The following ULK4 variants were observed in gnomAD, a reference collection of about 807,000 sequenced individuals.
The protein encoded by ULK4 is unc-51 like kinase 4, also known as inactive serine/threonine-protein kinase ULK4.
ULK4 carries 133 observed loss-of-function variants against 160.6 expected under a neutral mutation model. The observed-to-expected ratio is 0.83, with a 90% CI of 0.72 to 0.96. The LOEUF is 0.96. Ranked by LOEUF, ULK4 falls within the 40% of genes least tolerant of loss-of-function variation. The pLI is 0.00. For synonymous variants in ULK4, 534 were observed against 539.8 expected (o/e 0.99, Z 0.15); for missense variants, 1,580 against 1,499.5 (o/e 1.05, Z -0.89).
intron 30 of ULK4, among the ~76,000 whole-genome samples, chr3:41,657,420 T>C (rs1178211229): frequency 1.3e-5 from 2 of 152,198 alleles, no homozygotes; most frequent in Non-Finnish European, 2.9e-5. Flanking sequence ...TTGGATACAA[T>C]TAATAAGCAA....
chr3:41,463,696 T>C (rs879068412), intron 32 of ULK4, among the ~76,000 whole-genome samples: 3 of 152,168 alleles, frequency 2.0e-5, no homozygotes, highest in African/African-American at 7.2e-5. Flanking sequence ...AGTCCACAAA[T>C]GTAAGATAAA....
Position 41,883,192 on chromosome 3 carries a change from A to T in ULK4, c.1656+682T>A, listed in dbSNP as rs138773392. The stretch of plus-strand genomic sequence containing the variant: ...AACAGCACAGAGAGAAAATGTTCCA[A>T]TTCCTCTTAAGGCTCCAAATACCAG... On this transcript the variant is annotated intron_variant, in intron 17 of 36. Coordinates refer to ENST00000301831, the MANE Select transcript of ULK4 (RefSeq NM_017886.4). 4.0e-3 allele frequency among the ~76,000 whole-genome samples: 608 copies of T among 152,310 alleles called. 3 individuals carry two copies. The highest frequency in any genetic ancestry group is 0.014 in the African/African-American group (576 of 41,562).
intron 17 of ULK4, among the ~76,000 whole-genome samples, chr3:41,862,444 G>T (rs754559002): frequency 6.6e-6 from 1 of 151,974 alleles, no homozygotes; most frequent in African/African-American, 2.4e-5. Flanking sequence ...TTCCTGGATG[G>T]TGTTGATGTT....
chr3:41,782,819 C>T (rs745941403), intron 21 of ULK4, among the ~76,000 whole-genome samples: 2 of 152,122 alleles, frequency 1.3e-5, no homozygotes, highest in Non-Finnish European at 2.9e-5. Flanking sequence ...TAAGAATGTT[C>T]TCCCTGGCAA....
At chr3:41,610,629 T>C (rs2032629559) in intron 31 of ULK4, among the ~76,000 whole-genome samples, 1 of 152,224 alleles carries the variant, frequency 6.6e-6, no homozygotes, top group African/African-American at 2.4e-5. Flanking sequence ...TTTCTAAAAA[T>C]ACAGTTGACT....
In ULK4 at chr3:41,758,798, G is replaced by A. The variant is rs191551655; in HGVS notation, c.2194-4310C>T. Among the ~76,000 whole-genome samples, 1,141 of 151,716 alleles carry A rather than the reference G, an allele frequency of 7.5e-3. 12 individuals are homozygous for A. The highest frequency in any genetic ancestry group is 0.027 in the African/African-American group (1,096 of 41,354). ...TGAGGCAGGAGAATGGCGTGAACCC[G>A]GGAGGCGGAGCTTGCAGTGAGCCAA... On this transcript the variant is annotated intron_variant, in intron 21 of 36. Coordinates refer to ENST00000301831, the MANE Select transcript of ULK4 (RefSeq NM_017886.4).
intron 29 of ULK4, among the ~76,000 whole-genome samples, chr3:41,673,898 T>C (rs940402011): frequency 3.3e-5 from 5 of 152,180 alleles, no homozygotes; most frequent in Admixed American, 6.5e-5. Flanking sequence ...CATATTTATT[T>C]CTTTATTGCT....
chr3:41,906,216 CAAAAAA>C (rs58001920), intron 12 of ULK4, among the ~76,000 whole-genome samples: 9 of 67,102 alleles, frequency 1.3e-4, no homozygotes, highest in Admixed American at 2.5e-4. Context: ...GACTCCGTCT[CAAAAAA>C]AAAAAAAAAA....
rs1267010590 is a variant in ULK4, at chr3:41,856,531, ATG to A, written c.1657-20562_1657-20561del. ...TAAATAAATATATATATATATATAT[ATG>A]TATGTATATATATATGTGTATATAT... On this transcript the variant is annotated intron_variant, in intron 17 of 36. Coordinates refer to ENST00000301831, the MANE Select transcript of ULK4 (RefSeq NM_017886.4). Among the ~76,000 whole-genome samples, 753 of 117,380 alleles carry A rather than the reference ATG, an allele frequency of 6.4e-3. 12 individuals carry two copies. The highest frequency in any genetic ancestry group is 8.5e-3 in the East Asian group (38 of 4,460). 77.0% of individuals were successfully genotyped at this position (117,380 alleles called of 152,430 possible).
At chr3:41,912,956 C>T in intron 8 of ULK4, 57 bp from the exon 9 acceptor site, 1 of 1,533,914 alleles carries the variant, frequency 6.5e-7, no homozygotes, top group Non-Finnish European at 9.0e-7. Context: ...ATGAAAAATT[C>T]CCAAGACATG....
chr3:41,359,541 G>C (rs2081099500), intron 35 of ULK4, among the ~76,000 whole-genome samples: 1 of 152,214 alleles, frequency 6.6e-6, no homozygotes, highest in African/African-American at 2.4e-5. Flanking sequence ...GTCACTGGCT[G>C]TGCCAAAGGC....
At chr3:41,531,154 T>C (rs908509942) in intron 32 of ULK4, among the ~76,000 whole-genome samples, 20 of 148,688 alleles carry the variant, frequency 1.3e-4, no homozygotes, top group African/African-American at 3.5e-4. Context: ...GAAATAAATA[T>C]GTTTTGGGCC....
chr3:41,367,625 G>A (rs2081277691), intron 35 of ULK4, among the ~76,000 whole-genome samples: 1 of 152,100 alleles, frequency 6.6e-6, no homozygotes, highest in Non-Finnish European at 1.5e-5. Flanking sequence ...GGTGGTATGT[G>A]GTCTTCTCAA....
chr3:41,462,622 GA>G (rs1357399132), intron 33 of ULK4, among the ~76,000 whole-genome samples: 1 of 152,180 alleles, frequency 6.6e-6, no homozygotes, highest in Non-Finnish European at 1.5e-5. Flanking sequence ...ATAAGGGAAA[GA>G]AAATGAGCTT....
chr3:41,573,512 T>C (rs1044864803), intron 31 of ULK4, among the ~76,000 whole-genome samples: 3 of 152,178 alleles, frequency 2.0e-5, no homozygotes, highest in Admixed American at 1.3e-4. Context: ...CAGTGAACCA[T>C]GGTCACTCTC....
chr3:41,731,152 T>C (rs1473638914), intron 22 of ULK4, among the ~76,000 whole-genome samples: 1 of 151,476 alleles, frequency 6.6e-6, no homozygotes, highest in African/African-American at 2.4e-5. Flanking sequence ...CTCACTTTCA[T>C]CACTTTTATT....
chr3:41,695,832 C>T (rs1166377852), intron 27 of ULK4, among the ~76,000 whole-genome samples: 1 of 152,128 alleles, frequency 6.6e-6, no homozygotes, highest in Non-Finnish European at 1.5e-5. Flanking sequence ...AGCAATTACT[C>T]TTTATTCCAA....
chr3:41,935,763 C>G, intron 4 of ULK4, 38 bp downstream of exon 4: 1 of 1,580,430 alleles, frequency 6.3e-7, no homozygotes, highest in Non-Finnish European at 8.6e-7. Context: ...TAATTTGAGA[C>G]AGAAGCAGTT....
rs58776901 is a variant in ULK4 at position 41,835,981 on chromosome 3, CAAA to C, written c.1657-13_1657-11del. On this transcript the variant is annotated splice_polypyrimidine_tract_variant and intron_variant, in intron 17 of 36. Transcript: ENST00000301831. ...TTAAGAGAACAATTGCCTGCAAAGA[CAAA>C]AAAAAAAAAAGTAAATTATTTCAAA... 2.3e-4 allele frequency: 273 copies of C among 1,177,474 alleles called. No homozygotes were observed. Among genetic ancestry groups the C allele is most frequent in the Non-Finnish European group, 2.7e-4 (227 of 843,718 alleles). The allele number at this position is 1,177,474 out of a possible 1,614,324, so 72.9% of individuals were successfully genotyped here.
Sources: allele counts gnomAD v4.1 joint callset (sites outside exome capture counted in the v4.1 genomes callset), GRCh38; gene constraint gnomAD v4.1.1; transcripts MANE v1.5; gene names NCBI Gene and HGNC (gene_info 2026-07-23, HGNC 2026-07-21).